The following SLC36A1 variants were observed in gnomAD, a reference collection of about 807,000 sequenced individuals.
SLC36A1 encodes proton-coupled amino acid transporter 1.
Under a neutral mutation model 47.5 loss-of-function variants are expected in SLC36A1, and 30 were observed. The observed-to-expected ratio is 0.63, with a 90% CI of 0.47 to 0.86. The LOEUF is 0.86. Ranked by LOEUF, SLC36A1 falls within the 40% of genes least tolerant of loss-of-function variation. The pLI is 0.00. For missense variants in SLC36A1, 517 were observed against 606.0 expected, an observed-to-expected ratio of 0.85 and a Z score of 1.54; for synonymous variants, 255 against 249.7, an observed-to-expected ratio of 1.02 and a Z score of -0.20.
chr5:151,480,622 C>T (rs909804466), intron 10 of SLC36A1, among the ~76,000 whole-genome samples: 8 of 152,164 alleles, frequency 5.3e-5, no homozygotes, highest in Non-Finnish European at 1.0e-4. Flanking sequence ...CATGATGTAT[C>T]CTGCTTTTCT....
At chr5:151,517,976 T>C in the SLC36A1 span, among the ~76,000 whole-genome samples, 1 of 152,206 alleles carries the variant, frequency 6.6e-6, no homozygotes, top group African/African-American at 2.4e-5. Flanking sequence ...TTTTGTTGAC[T>C]GCAGGGACCC....
intron 10 of SLC36A1, among the ~76,000 whole-genome samples, chr5:151,485,219 C>G (rs1009707476): frequency 6.6e-6 from 1 of 152,176 alleles, no homozygotes; most frequent in Admixed American, 6.5e-5. Flanking sequence ...AAACTTTTTG[C>G]ACACTTCTCA....
At chr5:151,405,619 T>A in the SLC36A1 span, among the ~76,000 whole-genome samples, 4 of 149,916 alleles carry the variant, frequency 2.7e-5, no homozygotes, top group Admixed American at 1.3e-4. Flanking sequence ...CCTTTAGAGA[T>A]AAGAAAACCT....
intron 7 of SLC36A1, among the ~76,000 whole-genome samples, chr5:151,473,176 A>G (rs1757556709): frequency 1.8e-5 from 1 of 55,794 alleles, no homozygotes; most frequent in South Asian, 6.1e-4. Context: ...CTCTGTCTCT[A>G]GATAGATAGA....
chr5:151,553,373 G>C, the SLC36A1 span: 10 of 1,614,058 alleles, frequency 6.2e-6, no homozygotes, highest in Admixed American at 1.0e-4. Context: ...GCTGCCCACT[G>C]TCTGTTGCCT....
At chr5:151,405,334 T>G in the SLC36A1 span, among the ~76,000 whole-genome samples, 1 of 145,348 alleles carries the variant, frequency 6.9e-6, no homozygotes, top group Non-Finnish European at 1.5e-5. Flanking sequence ...AGTCTCTCCC[T>G]CTCTTTCTCT....
the SLC36A1 span, among the ~76,000 whole-genome samples, chr5:151,355,116 T>C: frequency 6.6e-6 from 1 of 151,830 alleles, no homozygotes; most frequent in Admixed American, 6.6e-5. Context: ...ATGAGTGAGG[T>C]GTAATAAAAA....
the SLC36A1 span, among the ~76,000 whole-genome samples, chr5:151,497,564 A>T: frequency 6.6e-6 from 1 of 152,230 alleles, no homozygotes; most frequent in Non-Finnish European, 1.5e-5. Context: ...GCAAAGCCAT[A>T]TGCATAACTT....
the SLC36A1 span, among the ~76,000 whole-genome samples, chr5:151,431,930 A>G: frequency 2.0e-5 from 3 of 152,190 alleles, no homozygotes; most frequent in Admixed American, 2.0e-4. Flanking sequence ...TAAGTTCAGG[A>G]GCTTAAATAC....
intron 10 of SLC36A1, among the ~76,000 whole-genome samples, chr5:151,483,149 T>C (rs575976006): frequency 6.6e-6 from 1 of 152,358 alleles, no homozygotes; most frequent in East Asian, 1.9e-4. Context: ...GAGCCATAAA[T>C]GGCCAGCGTA....
the SLC36A1 span, chr5:151,554,337 C>A: frequency 6.3e-7 from 1 of 1,596,418 alleles, no homozygotes; most frequent in South Asian, 1.1e-5. Flanking sequence ...ACTCCTCCCT[C>A]CGTGGCTTCC....
the SLC36A1 span, chr5:151,511,799 G>A: frequency 9.5e-6 from 2 of 210,072 alleles, no homozygotes; most frequent in Admixed American, 1.0e-4. Context: ...GTAAATGTTT[G>A]CCTCTAGTGT....
At chr5:151,348,291 A>G in the SLC36A1 span, among the ~76,000 whole-genome samples, 2 of 152,146 alleles carry the variant, frequency 1.3e-5, no homozygotes, top group African/African-American at 4.8e-5. Context: ...CACACATGAA[A>G]TCCAGGATAG....
the SLC36A1 span, among the ~76,000 whole-genome samples, chr5:151,430,842 G>T: frequency 6.6e-6 from 1 of 152,116 alleles, no homozygotes; most frequent in South Asian, 2.1e-4. Context: ...ATCAGTCTTG[G>T]CTCCTCTAAC....
chr5:151,372,925 C>A, the SLC36A1 span, among the ~76,000 whole-genome samples: 1 of 151,928 alleles, frequency 6.6e-6, no homozygotes, highest in Admixed American at 6.6e-5. Context: ...TAATTGGAAT[C>A]CCAGATGAAG....
the SLC36A1 span, chr5:151,550,484 A>G: frequency 3.1e-6 from 4 of 1,273,148 alleles, no homozygotes; most frequent in Non-Finnish European, 4.4e-6. Flanking sequence ...TGTCTCGTGC[A>G]TGGTCCTTAT....
At chr5:151,512,150 C>A in the SLC36A1 span, 1 of 1,603,580 alleles carries the variant, frequency 6.2e-7, no homozygotes, top group Non-Finnish European at 8.5e-7. This position sits in a 1 kb window ranked among gnomAD's most constrained non-coding sequence, Gnocchi z 4.1. Context: ...TTCAGCCTGG[C>A]ACCCCAGCCC....
At chr5:151,377,583 G>A in the SLC36A1 span, among the ~76,000 whole-genome samples, 3 of 151,538 alleles carry the variant, frequency 2.0e-5, no homozygotes, top group Non-Finnish European at 4.4e-5. Flanking sequence ...TCCTGACCTC[G>A]TGATCCGCCC....
At chr5:151,450,213 G>A (rs768331991) in intron 1 of SLC36A1, among the ~76,000 whole-genome samples, 54 of 152,230 alleles carry the variant, frequency 3.5e-4, no homozygotes, top group Middle Eastern at 6.8e-3. Context: ...GGACGGAGCA[G>A]ATGTCCACTT....
Sources: gnomAD v4.1 joint callset for allele counts (sites outside exome capture counted in the v4.1 genomes callset) on GRCh38, gnomAD v4.1.1 for gene constraint, Gnocchi (gnomAD v3.1) non-coding constraint, MANE v1.5 for transcripts, NCBI Gene and HGNC (gene_info 2026-07-23, HGNC 2026-07-21) for gene names.